DSCAM: variants seen among roughly 807,000 people sequenced by gnomAD.
DSCAM encodes cell adhesion molecule DSCAM.
In DSCAM, 47 loss-of-function variants were observed where a neutral mutation model predicts 217.7. That is an observed-to-expected ratio of 0.22 (90% CI 0.17 to 0.28). The LOEUF (loss-of-function observed/expected upper bound fraction) is 0.28. DSCAM is among the 10% of genes least tolerant of loss of function. The probability of loss-of-function intolerance (pLI) is 1.00; values close to 1 mark genes in which losing one functional copy is unlikely to be tolerated. For missense variants in DSCAM, 2,080 were observed against 2,618.3 expected (o/e 0.79, Z 4.49); for synonymous variants, 1,056 against 1,015.3 (o/e 1.04, Z -0.76).
intron 24 of DSCAM, among the ~76,000 whole-genome samples, chr21:40,081,323 AT>A (rs11366586): frequency 0.5 from 75,207 of 151,638 alleles, 19,656 homozygotes; most frequent in African/African-American, 0.66. Context: ...AAAATAAAGC[AT>A]TTTTTTTCCC....
intron 3 of DSCAM, among the ~76,000 whole-genome samples, chr21:40,605,275 TTC>T (rs551051118): frequency 5.4e-4 from 82 of 152,316 alleles, no homozygotes; most frequent in African/African-American, 1.9e-3. Flanking sequence ...TTGGCTCTCA[TTC>T]TCTGTGTTGA....
At chr21:40,825,003 A>G (rs2091956884) in intron 1 of DSCAM, among the ~76,000 whole-genome samples, 1 of 152,220 alleles carries the variant, frequency 6.6e-6, no homozygotes. Flanking sequence ...ATTATTGGGT[A>G]CACCCTTTTA....
rs142707764 is a variant in DSCAM at position 40,346,710 on chromosome 21, G to C, written c.1210+960C>G. ...AAATCGTATCACATATCCAAAACCTGTTATTATACCACAAAATAATTCCTC... is the reference window on the plus strand; with the variant it reads ...AAATCGTATCACATATCCAAAACCTCTTATTATACCACAAAATAATTCCTC... On this transcript the variant is annotated intron_variant, in intron 6 of 32. Transcript: ENST00000400454. 3.3e-5 allele frequency among the ~76,000 whole-genome samples: 5 copies of C among 152,162 alleles called. No individual in the cohort carries two copies. The East Asian group carries it at 9.7e-4, about 29-fold the overall frequency.
At chr21:40,493,879 A>AAAATAT (rs1555845575) in intron 3 of DSCAM, among the ~76,000 whole-genome samples, 1 of 135,556 alleles carries the variant, frequency 7.4e-6, no homozygotes, top group East Asian at 2.2e-4. Context: ...AAAAAAAAAA[A>AAAATAT]ATATATACAT....
chr21:40,144,794 G>A lies in DSCAM; in HGVS notation c.3019-63C>T. ...GAGGTAGGACAAGAGCGAAATCAAC[G>A]CCCACACCCACGTAGGAAAGCAGAA... On this transcript the variant is annotated intron_variant, in intron 16 of 32. Coordinates refer to ENST00000400454, the MANE Select transcript of DSCAM (RefSeq NM_001389.5). This position sits in a 1 kb window ranked among gnomAD's most constrained non-coding sequence, Gnocchi z 4.8. The A allele has an allele frequency of 6.2e-7, 1 of 1,600,054 alleles. No homozygotes were observed. Among genetic ancestry groups the A allele is most frequent in the African/African-American group, 1.3e-5 (1 of 74,636 alleles).
chr21:40,255,845 A>G (rs1031133957), intron 11 of DSCAM, among the ~76,000 whole-genome samples: 2 of 152,234 alleles, frequency 1.3e-5, no homozygotes, highest in Non-Finnish European at 2.9e-5. Flanking sequence ...CACCTGGAGC[A>G]GAATTCTGCC....
intron 16 of DSCAM, among the ~76,000 whole-genome samples, chr21:40,152,674 T>C (rs555374611): frequency 6.6e-6 from 1 of 152,408 alleles, no homozygotes; most frequent in Non-Finnish European, 1.5e-5. Context: ...ATTTGCACGG[T>C]GTGCAAGTGA....
chr21:40,272,765 T>C (rs868634103), intron 11 of DSCAM, among the ~76,000 whole-genome samples: 1 of 152,156 alleles, frequency 6.6e-6, no homozygotes. Context: ...GTCTCCCCTA[T>C]TGAATTTAGA....
At chr21:40,592,295 G>C (rs891587132) in intron 3 of DSCAM, among the ~76,000 whole-genome samples, 5 of 152,104 alleles carry the variant, frequency 3.3e-5, no homozygotes, top group African/African-American at 1.2e-4. Context: ...TCAAATACTT[G>C]AAATATCTGA....
intron 3 of DSCAM, among the ~76,000 whole-genome samples, chr21:40,413,100 T>G (rs1423470872): frequency 1.3e-5 from 2 of 152,136 alleles, no homozygotes; most frequent in African/African-American, 4.8e-5. Context: ...TTAAAACATG[T>G]ATGGAAATGC....
At chr21:40,169,148 A>G (rs1197674560) in intron 15 of DSCAM, among the ~76,000 whole-genome samples, 1 of 152,160 alleles carries the variant, frequency 6.6e-6, no homozygotes, top group Non-Finnish European at 1.5e-5. Context: ...GGGCAAAGGA[A>G]CAAATACCTC....
At chr21:40,759,147 T>C (rs1330181585) in intron 1 of DSCAM, among the ~76,000 whole-genome samples, 1 of 152,048 alleles carries the variant, frequency 6.6e-6, no homozygotes. Flanking sequence ...CCTTTGCTCT[T>C]AGTCCCATCC....
chr21:40,475,104 G>T (rs140445478), intron 3 of DSCAM, among the ~76,000 whole-genome samples: 1 of 152,334 alleles, frequency 6.6e-6, no homozygotes, highest in African/African-American at 2.4e-5. Flanking sequence ...CAGCCAGCAA[G>T]ATGCTCCACC....
intron 3 of DSCAM, among the ~76,000 whole-genome samples, chr21:40,583,645 T>C (rs1029366351): frequency 1.3e-5 from 2 of 152,076 alleles, no homozygotes; most frequent in Admixed American, 6.5e-5. Flanking sequence ...GGAAAACTGG[T>C]TCAGAAGGAA....
At chr21:40,725,008 C>T (rs2090939641) in intron 1 of DSCAM, among the ~76,000 whole-genome samples, 1 of 151,348 alleles carries the variant, frequency 6.6e-6, no homozygotes, top group Admixed American at 6.6e-5. Context: ...TGAGTGATGA[C>T]AATTTTTAAA....
intron 3 of DSCAM, among the ~76,000 whole-genome samples, chr21:40,628,543 C>T (rs2089634756): frequency 6.6e-6 from 1 of 152,194 alleles, no homozygotes; most frequent in African/African-American, 2.4e-5. Context: ...CACTTTTGCA[C>T]TGCAGTGGCA....
intron 3 of DSCAM, among the ~76,000 whole-genome samples, chr21:40,569,526 C>G (rs574501300): frequency 1.3e-5 from 2 of 152,318 alleles, no homozygotes; most frequent in African/African-American, 4.8e-5. Context: ...CCTGGGAGTT[C>G]TAGCCAGCCC....
At chr21:40,283,308 T>C (rs1009749100) in intron 10 of DSCAM, among the ~76,000 whole-genome samples, 2 of 152,240 alleles carry the variant, frequency 1.3e-5, no homozygotes, top group Non-Finnish European at 2.9e-5. Flanking sequence ...CAGTCATTAA[T>C]TAAAACACTG....
At chr21:40,113,119 G>A (rs1476447375) in intron 20 of DSCAM, among the ~76,000 whole-genome samples, 1 of 151,974 alleles carries the variant, frequency 6.6e-6, no homozygotes, top group African/African-American at 2.4e-5. Context: ...ACAAAAAAAG[G>A]GAATTTTAGA....
Sources: gnomAD v4.1 joint callset for allele counts (sites outside exome capture counted in the v4.1 genomes callset) on GRCh38, gnomAD v4.1.1 for gene constraint, Gnocchi (gnomAD v3.1) non-coding constraint, MANE v1.5 for transcripts, NCBI Gene and HGNC (gene_info 2026-07-23, HGNC 2026-07-21) for gene names.